AFAP1: variants seen among roughly 807,000 people sequenced by gnomAD.
AFAP1 encodes actin filament associated protein 1.
AFAP1 carries 75 observed loss-of-function variants against 93.9 expected under a neutral mutation model. That is an observed-to-expected ratio of 0.80 (90% CI 0.66 to 0.97). The LOEUF (loss-of-function observed/expected upper bound fraction) is 0.97, where lower values mean the gene tolerates loss of function less well. Among genes scored for constraint, AFAP1 ranks in the 50% least tolerant of loss-of-function variants. The pLI, the probability that AFAP1 is intolerant of heterozygous loss-of-function variation, is 0.00. For synonymous variants in AFAP1, 517 were observed against 430.7 expected (o/e 1.20, Z -2.48); for missense variants, 1,201 against 1,050.8 (o/e 1.14, Z -1.98).
At chr4:7,822,283 A>G (rs1300787425) in intron 6 of AFAP1, among the ~76,000 whole-genome samples, 1 of 152,124 alleles carries the variant, frequency 6.6e-6, no homozygotes, top group Non-Finnish European at 1.5e-5. Flanking sequence ...TCCTTCCTCA[A>G]TAACACGCAC....
intron 1 of AFAP1, among the ~76,000 whole-genome samples, chr4:7,873,245 A>G (rs1717213570): frequency 6.8e-6 from 1 of 147,316 alleles, no homozygotes; most frequent in African/African-American, 2.5e-5. Flanking sequence ...TCTGTCTCAA[A>G]AAAAAAAAAA....
At chr4:7,852,405 G>C (rs1714548580) in intron 4 of AFAP1, among the ~76,000 whole-genome samples, 1 of 152,210 alleles carries the variant, frequency 6.6e-6, no homozygotes, top group South Asian at 2.1e-4. Flanking sequence ...AACAGGCAAA[G>C]AAGTGGCTCC....
chr4:7,866,688 T>C (rs573930845), intron 3 of AFAP1, among the ~76,000 whole-genome samples: 1 of 152,322 alleles, frequency 6.6e-6, no homozygotes, highest in East Asian at 1.9e-4. Context: ...TAGCTCTTCA[T>C]CTTTTAAAAT....
intron 1 of AFAP1, among the ~76,000 whole-genome samples, chr4:7,903,229 C>T (rs892249484): frequency 6.6e-6 from 1 of 152,156 alleles, no homozygotes; most frequent in African/African-American, 2.4e-5. Flanking sequence ...GTGCCAGGCA[C>T]TGGTCATATA....
Position 7,761,150 on chromosome 4 carries a change from TAAA to T in AFAP1, c.*2612_*2614del, listed in dbSNP as rs747791039. On this transcript the variant is annotated 3_prime_UTR_variant, in exon 18 of 18. Coordinates refer to ENST00000420658, the MANE Select transcript of AFAP1 (RefSeq NM_001134647.2). Reference sequence around the variant, plus strand: ...GTGTCTAATATGTACAGATATAAATTAAAAACTATATTTATTGAACATATACAC... The same window carrying T: ...GTGTCTAATATGTACAGATATAAATTAACTATATTTATTGAACATATACAC... 1.3e-5 allele frequency: 2 copies of T among 152,184 alleles called. No individual in the cohort carries two copies. Among genetic ancestry groups the T allele is most frequent in the African/African-American group, 2.4e-5 (1 of 41,470 alleles). The allele number at this position is 152,184 out of a possible 1,614,324, so 9.4% of individuals were successfully genotyped here.
At chr4:7,814,803 G>A (rs1048829062) in intron 8 of AFAP1, among the ~76,000 whole-genome samples, 18 of 151,852 alleles carry the variant, frequency 1.2e-4, no homozygotes, top group African/African-American at 3.9e-4. Context: ...GGTTAGAGCC[G>A]TGCTCCGTGT....
At chr4:7,771,863 T>TG (rs1459961522) in intron 16 of AFAP1, among the ~76,000 whole-genome samples, 1 of 151,372 alleles carries the variant, frequency 6.6e-6, no homozygotes. Flanking sequence ...GGGGCAGGGA[T>TG]GGGGGGATGG....
intron 8 of AFAP1, among the ~76,000 whole-genome samples, chr4:7,811,149 G>T (rs1387200700): frequency 1.3e-5 from 2 of 152,220 alleles, no homozygotes; most frequent in Non-Finnish European, 2.9e-5. Flanking sequence ...CAGCTGCACT[G>T]CAGGGCTCAC....
intron 6 of AFAP1, among the ~76,000 whole-genome samples, chr4:7,822,017 C>A (rs925360994): frequency 6.6e-6 from 1 of 152,200 alleles, no homozygotes; most frequent in East Asian, 1.9e-4. Flanking sequence ...TGTGTCTGAT[C>A]TCTCTTGTTT....
chr4:7,761,852 T>C lies in AFAP1; in HGVS notation c.*1913A>G, dbSNP rs570985411. Reference sequence around the variant, plus strand: ...GACCACTGGAGGGAGGGCTCCTCTATGGCAATGCAGCGGACGGCCCTGAGG... The same window carrying C: ...GACCACTGGAGGGAGGGCTCCTCTACGGCAATGCAGCGGACGGCCCTGAGG... On this transcript the variant is annotated 3_prime_UTR_variant, in exon 18 of 18. Transcript: ENST00000420658. 1.3e-5 allele frequency: 2 copies of C among 152,408 alleles called. No homozygotes were observed. The highest frequency in any genetic ancestry group is 6.5e-5 in the Admixed American group (1 of 15,302). The allele number at this position is 152,408 out of a possible 1,614,324, so 9.4% of individuals were successfully genotyped here. A position where few individuals can be genotyped will look rare whatever the true frequency, so the allele number is the denominator to read the frequency against.
chr4:7,899,314 G>A (rs914457876), intron 1 of AFAP1, among the ~76,000 whole-genome samples: 2 of 152,088 alleles, frequency 1.3e-5, no homozygotes, highest in African/African-American at 2.4e-5. Context: ...GTTAGTCCTG[G>A]AGCCTAGCAA....
At chr4:7,786,386 T>G (rs1391785570) in intron 11 of AFAP1, 75 bp from the exon 12 acceptor site, 11 of 1,228,820 alleles carry the variant, frequency 9.0e-6, no homozygotes, top group South Asian at 3.7e-5. Flanking sequence ...TTTAATGAGT[T>G]CTGACTTTAT....
At chr4:7,820,251 G>A (rs1185479282) in intron 6 of AFAP1, among the ~76,000 whole-genome samples, 1 of 152,198 alleles carries the variant, frequency 6.6e-6, no homozygotes, top group African/African-American at 2.4e-5. Context: ...CTTAGCAACT[G>A]GGTGGTGCTA....
chr4:7,774,570 G>T (rs1006940610), intron 15 of AFAP1, 169 bp downstream of exon 15: 2 of 1,063,600 alleles, frequency 1.9e-6, no homozygotes, highest in African/African-American at 1.6e-5. Context: ...CACCTGCCTC[G>T]GGGTTACCAG....
intron 1 of AFAP1, among the ~76,000 whole-genome samples, chr4:7,926,983 G>A (rs1055782404): frequency 1.3e-5 from 2 of 152,156 alleles, no homozygotes; most frequent in Non-Finnish European, 2.9e-5. Flanking sequence ...TGATCCACCT[G>A]CCTCGGCCTC....
intron 16 of AFAP1, among the ~76,000 whole-genome samples, chr4:7,770,068 G>A (rs948652892): frequency 7.9e-5 from 12 of 152,230 alleles, no homozygotes; most frequent in South Asian, 6.2e-4. Flanking sequence ...GGGCTGCAGC[G>A]GTGCAGAGTG....
intron 1 of AFAP1, among the ~76,000 whole-genome samples, chr4:7,916,051 G>A (rs1482977374): frequency 6.6e-6 from 1 of 152,198 alleles, no homozygotes; most frequent in African/African-American, 2.4e-5. Context: ...CTGCTGGGGA[G>A]AGGCACTTCC....
At chr4:7,800,394 C>A in intron 10 of AFAP1, 48 bp downstream of exon 10, 1 of 1,588,386 alleles carries the variant, frequency 6.3e-7, no homozygotes, top group African/African-American at 1.3e-5. Context: ...AAAGGAAGAT[C>A]ACCGCGTGTG....
intron 12 of AFAP1, among the ~76,000 whole-genome samples, chr4:7,783,838 G>A (rs1055658191): frequency 1.8e-4 from 27 of 152,206 alleles, no homozygotes; most frequent in Non-Finnish European, 4.4e-5. Context: ...GTGGAGAAAC[G>A]CCTTTGAGGA....
Sources: allele counts gnomAD v4.1 joint callset (sites outside exome capture counted in the v4.1 genomes callset), GRCh38; gene constraint gnomAD v4.1.1; transcripts MANE v1.5; gene names NCBI Gene and HGNC (gene_info 2026-07-23, HGNC 2026-07-21).